CLCN5: variants seen among roughly 807,000 people sequenced by gnomAD.
The protein encoded by CLCN5 is Cl-/H+ antiporter 5.
In CLCN5, 17 loss-of-function variants were observed where a neutral mutation model predicts 54.0. That is an observed-to-expected ratio of 0.31 (90% confidence interval 0.22 to 0.47). CLCN5 has a LOEUF of 0.47. Ranked by LOEUF, CLCN5 falls within the 20% of genes least tolerant of loss-of-function variation. The pLI is 1.00. For missense variants in CLCN5, 448 were observed against 646.7 expected, an observed-to-expected ratio of 0.69 and a Z score of 3.33; for synonymous variants, 222 against 233.0, an observed-to-expected ratio of 0.95 and a Z score of 0.43.
In CLCN5 at chrX:50,093,534, C is replaced by G. The variant is rs1359784837; in HGVS notation, c.*1315C>G. The G allele has an allele frequency of 9.0e-6, 1 of 111,548 alleles. No individual in the cohort carries two copies. The highest frequency in any genetic ancestry group is 3.3e-5 in the African/African-American group (1 of 30,539). The allele number at this position is 111,548 out of a possible 1,213,427, so 9.2% of individuals were successfully genotyped here. A position where few individuals can be genotyped will look rare whatever the true frequency, so the allele number is the denominator to read the frequency against. Reference sequence around the variant, plus strand: ...TGCTTGTATCCAATTGAAAAGGTGCCTGTCTCAATTTCATACCACCTTTAT... The same window carrying G: ...TGCTTGTATCCAATTGAAAAGGTGCGTGTCTCAATTTCATACCACCTTTAT... On this transcript the variant is annotated 3_prime_UTR_variant, in exon 15 of 15. Transcript: ENST00000376091.
chrX:50,081,602 C>T (rs1379361708), intron 8 of CLCN5, 39 bp from the exon 9 acceptor site: 1 of 1,110,544 alleles, frequency 9.0e-7, no homozygotes, highest in Non-Finnish European at 1.2e-6. Flanking sequence ...TTGTTGACTT[C>T]CTTAGTCTAT....
chrX:49,942,571 C>A (rs1449868091), intron 3 of CLCN5, among the ~76,000 whole-genome samples: 7 of 92,414 alleles, frequency 7.6e-5, no homozygotes, highest in Middle Eastern at 4.7e-3. Flanking sequence ...TACCCCACGA[C>A]AGGCCCCGGT....
chrX:49,940,303 A>G (rs988562066), intron 3 of CLCN5, among the ~76,000 whole-genome samples: 1 of 112,139 alleles, frequency 8.9e-6, no homozygotes, highest in Non-Finnish European at 1.9e-5. Context: ...GACAATGTAT[A>G]TAAATATAAC....
At chrX:50,049,026 C>G (rs1310508124) in intron 4 of CLCN5, among the ~76,000 whole-genome samples, 2 of 111,185 alleles carry the variant, frequency 1.8e-5, no homozygotes, top group African/African-American at 6.5e-5. Flanking sequence ...ATGGATCACT[C>G]TAGCCTCCTC....
At chrX:49,999,409 CTTTTTTTTT>C (rs782377247) in intron 3 of CLCN5, among the ~76,000 whole-genome samples, 1 of 91,296 alleles carries the variant, frequency 1.1e-5, no homozygotes, top group African/African-American at 4.0e-5. Context: ...GTGGACTTTG[CTTTTTTTTT>C]TTTTTTTTAA....
chrX:50,028,442 T>C (rs146984858), intron 3 of CLCN5, among the ~76,000 whole-genome samples: 110 of 112,044 alleles, frequency 9.8e-4, no homozygotes, highest in Non-Finnish European at 1.1e-3. Context: ...CTGGAGTTTT[T>C]AAGCTTTTGA....
At chrX:50,050,359 T>C (rs1221098368) in intron 4 of CLCN5, 2 of 112,080 alleles carry the variant, frequency 1.8e-5, no homozygotes, top group African/African-American at 6.5e-5. Flanking sequence ...TGAGAGTTCC[T>C]GTTAGTTTGC....
At chrX:50,064,155 G>A (rs145454794) in intron 4 of CLCN5, among the ~76,000 whole-genome samples, 11,861 of 108,535 alleles carry the variant, frequency 0.11, 1,690 homozygotes, top group African/African-American at 0.39. Context: ...GGAAGTTCTG[G>A]CCAGGGCAAT....
At chrX:50,048,903 A>G (rs1161972314) in intron 4 of CLCN5, among the ~76,000 whole-genome samples, 1 of 111,475 alleles carries the variant, frequency 9.0e-6, no homozygotes, top group Non-Finnish European at 1.9e-5. Flanking sequence ...TGACCCATAC[A>G]TATATACACA....
At chrX:49,970,915 C>T (rs1928174473) in intron 3 of CLCN5, among the ~76,000 whole-genome samples, 1 of 111,006 alleles carries the variant, frequency 9.0e-6, no homozygotes, top group South Asian at 3.8e-4. Context: ...GTGTCCTTGC[C>T]AACACTTGTT....
chrX:50,048,236 T>A (rs782487133), intron 4 of CLCN5, among the ~76,000 whole-genome samples: 4 of 112,582 alleles, frequency 3.6e-5, no homozygotes, highest in African/African-American at 1.3e-4. Flanking sequence ...TCTGAGAATC[T>A]AATGCCGCCA....
At chrX:50,070,204 AT>A (rs1336447908) in intron 5 of CLCN5, among the ~76,000 whole-genome samples, 174 bp downstream of exon 5, 10 of 112,263 alleles carry the variant, frequency 8.9e-5, no homozygotes, top group African/African-American at 3.2e-4. Context: ...CTTGCACATA[AT>A]TTTTTTATTA....
intron 4 of CLCN5, among the ~76,000 whole-genome samples, chrX:50,064,004 G>A (rs1215085964): frequency 3.7e-5 from 4 of 107,232 alleles, no homozygotes; most frequent in South Asian, 4.2e-4. Flanking sequence ...TTGATGGGAC[G>A]TATGTCAAAA....
intron 3 of CLCN5, among the ~76,000 whole-genome samples, chrX:50,022,841 A>G (rs1208786607): frequency 1.5e-5 from 1 of 66,401 alleles, no homozygotes; most frequent in Non-Finnish European, 2.5e-5. Context: ...GGTCTGAGAG[A>G]TAGTTTGTTA....
At chrX:49,924,943 A>T (rs1275260282) in intron 2 of CLCN5, among the ~76,000 whole-genome samples, 1 of 112,325 alleles carries the variant, frequency 8.9e-6, no homozygotes, top group East Asian at 2.8e-4. Context: ...GACCTCATTT[A>T]CTGAAGCTCT....
chrX:50,070,922 T>C, intron 5 of CLCN5, among the ~76,000 whole-genome samples: 1 of 111,586 alleles, frequency 9.0e-6, no homozygotes. Flanking sequence ...ATTAAAAAAA[T>C]AGTTGTCCAA....
At position 50,086,048 on chromosome X, in the gene CLCN5, C is replaced by T; in HGVS notation, c.1002C>T (p.Phe334=). Residue 334 remains phenylalanine, a synonymous_variant, in exon 10 of 15, where the codon TTC becomes TTT. Coordinates refer to ENST00000376091, the MANE Select transcript of CLCN5 (RefSeq NM_001127898.4). The stretch of plus-strand genomic sequence containing the variant: ...GAGCACCTATAGGTGGAGTATTATT[C>T]AGCCTTGAAGAGGTAACAACTTTTC... ...AFGAPIGGVL[F]SLEEVSYYFP... is the part of the protein sequence containing the mutation. The T allele has an allele frequency of 8.3e-7, 1 of 1,199,412 alleles. No individual in the cohort carries two copies. Among genetic ancestry groups the T allele is most frequent in the Non-Finnish European group, 1.1e-6 (1 of 884,202 alleles).
intron 3 of CLCN5, among the ~76,000 whole-genome samples, chrX:49,966,233 A>C (rs1174225924): frequency 8.9e-6 from 1 of 111,734 alleles, no homozygotes; most frequent in East Asian, 2.8e-4. Flanking sequence ...TTAACTACAA[A>C]TTCAATTTTT....
rs1317937659 is a variant in CLCN5, at chrX:49,943,512, C to A, written c.16+18198C>A. Among the ~76,000 whole-genome samples the A allele has an allele frequency of 1.2e-3, 125 of 103,365 alleles. No individual in the cohort carries two copies. In the South Asian group the frequency reaches 0.036, roughly 30 times the overall value. 89.8% of individuals were successfully genotyped at this position (103,365 alleles called of 115,157 possible). ...TCCTGAATGGTATTGCCTAGGTTTT[C>A]TTCTAGGGTTTTTATGGTTTTAGGT... On this transcript the variant is annotated intron_variant, in intron 3 of 14. Coordinates refer to ENST00000376091, the MANE Select transcript of CLCN5 (RefSeq NM_001127898.4).
Sources: gnomAD v4.1 joint callset for allele counts (sites outside exome capture counted in the v4.1 genomes callset) on GRCh38, gnomAD v4.1.1 for gene constraint, MANE v1.5 for transcripts, NCBI Gene and HGNC (gene_info 2026-07-23, HGNC 2026-07-21) for gene names.